GRID2: variants seen among roughly 807,000 people sequenced by gnomAD.
The protein encoded by GRID2 is glutamate ionotropic receptor delta type subunit 2.
In GRID2, 33 loss-of-function variants were observed where a neutral mutation model predicts 114.8. That is an observed-to-expected ratio of 0.29 (90% confidence interval 0.22 to 0.38). GRID2 has a LOEUF of 0.38. GRID2 is among the 10% of genes least tolerant of loss of function. GRID2 has a pLI of 1.00. For synonymous variants in GRID2, 505 were observed against 449.9 expected, an observed-to-expected ratio of 1.12 and a Z score of -1.55; for missense variants, 1,184 against 1,257.7, an observed-to-expected ratio of 0.94 and a Z score of 0.89.
intron 2 of GRID2, among the ~76,000 whole-genome samples, chr4:92,642,977 A>G (rs529366246): frequency 1.3e-5 from 2 of 151,872 alleles, no homozygotes; most frequent in East Asian, 3.9e-4. Flanking sequence ...TTGTACCAAT[A>G]CCATGCTATT....
intron 2 of GRID2, among the ~76,000 whole-genome samples, chr4:92,942,753 A>C (rs1213093227): frequency 6.6e-6 from 1 of 152,042 alleles, no homozygotes; most frequent in Non-Finnish European, 1.5e-5. Flanking sequence ...GAGCTCTTTT[A>C]GGGCAGGCCT....
chr4:93,247,637 A>G (rs1030011909), intron 8 of GRID2, among the ~76,000 whole-genome samples: 2 of 151,652 alleles, frequency 1.3e-5, no homozygotes, highest in Non-Finnish European at 2.9e-5. Flanking sequence ...TATACCACCC[A>G]CTTTTCTGGT....
chr4:92,310,878 A>G (rs1252185950), intron 1 of GRID2, among the ~76,000 whole-genome samples: 1 of 152,056 alleles, frequency 6.6e-6, no homozygotes, highest in Non-Finnish European at 1.5e-5. Context: ...GTGACCTTCA[A>G]AAAAGGAAAT....
intron 5 of GRID2, among the ~76,000 whole-genome samples, chr4:93,215,670 A>G (rs1744126534): frequency 6.6e-6 from 1 of 152,120 alleles, no homozygotes. Context: ...TCTACACTTC[A>G]TAAAGATCAT....
intron 10 of GRID2, among the ~76,000 whole-genome samples, chr4:93,454,476 A>G (rs1481485052): frequency 6.6e-6 from 1 of 152,100 alleles, no homozygotes; most frequent in East Asian, 1.9e-4. Context: ...CACATAATTC[A>G]TAGTTCATTG....
chr4:92,441,371 G>A (rs1733064279), intron 1 of GRID2, among the ~76,000 whole-genome samples: 1 of 152,116 alleles, frequency 6.6e-6, no homozygotes, highest in African/African-American at 2.4e-5. Context: ...GGAGCTTGAT[G>A]GGTGTCAGGG....
intron 2 of GRID2, among the ~76,000 whole-genome samples, chr4:92,954,668 G>C (rs1752263606): frequency 6.8e-6 from 1 of 147,874 alleles, no homozygotes; most frequent in Admixed American, 6.7e-5. Context: ...ACATTGTGCA[G>C]GTTAGTTACA....
At chr4:93,486,723 A>T (rs187501669) in intron 11 of GRID2, among the ~76,000 whole-genome samples, 1 of 151,850 alleles carries the variant, frequency 6.6e-6, no homozygotes, top group East Asian at 1.9e-4. Flanking sequence ...TTATTTATGC[A>T]GTTCTCCGTT....
At chr4:92,931,155 T>A (rs146215177) in intron 2 of GRID2, among the ~76,000 whole-genome samples, 41 of 151,056 alleles carry the variant, frequency 2.7e-4, no homozygotes, top group Middle Eastern at 6.8e-3. Context: ...TAATAAATCA[T>A]AATGGAGCAG....
chr4:92,322,990 A>G (rs1007739055), intron 1 of GRID2, among the ~76,000 whole-genome samples: 24 of 152,054 alleles, frequency 1.6e-4, no homozygotes, highest in Middle Eastern at 6.8e-3. Context: ...CTTTCTCCCT[A>G]TCTGCTAATT....
At chr4:92,956,648 GTT>G (rs1752430909) in intron 2 of GRID2, among the ~76,000 whole-genome samples, 1 of 152,112 alleles carries the variant, frequency 6.6e-6, no homozygotes, top group African/African-American at 2.4e-5. Context: ...CTGAACATAA[GTT>G]TTCATCTCCT....
chr4:93,146,722 A>G (rs973782871), intron 4 of GRID2, among the ~76,000 whole-genome samples: 1 of 151,946 alleles, frequency 6.6e-6, no homozygotes, highest in Non-Finnish European at 1.5e-5. Context: ...AAAATCTTAT[A>G]CTTATAAATA....
At chr4:92,878,236 A>C (rs1745769783) in intron 2 of GRID2, among the ~76,000 whole-genome samples, 1 of 152,164 alleles carries the variant, frequency 6.6e-6, no homozygotes, top group Admixed American at 6.5e-5. Context: ...TCTCCATTAA[A>C]AATGTTTATT....
At chr4:92,745,006 T>C (rs1409654258) in intron 2 of GRID2, among the ~76,000 whole-genome samples, 10 of 152,084 alleles carry the variant, frequency 6.6e-5, no homozygotes. Flanking sequence ...CAACAGAAAT[T>C]TATAAAGTAA....
intron 8 of GRID2, among the ~76,000 whole-genome samples, chr4:93,381,118 C>G (rs1403960856): frequency 6.6e-6 from 1 of 152,024 alleles, no homozygotes; most frequent in Non-Finnish European, 1.5e-5. Flanking sequence ...GTGTACAGTT[C>G]AATGATAATA....
At chr4:92,432,684 A>G (rs1732521179) in intron 1 of GRID2, among the ~76,000 whole-genome samples, 1 of 152,178 alleles carries the variant, frequency 6.6e-6, no homozygotes, top group South Asian at 2.1e-4. Context: ...AATGCCATTC[A>G]GTAGCTAAGG....
At chr4:92,859,074 TAC>T (rs2149432608) in intron 2 of GRID2, among the ~76,000 whole-genome samples, 1 of 152,272 alleles carries the variant, frequency 6.6e-6, no homozygotes, top group South Asian at 2.1e-4. Context: ...CATCACATTC[TAC>T]AGAGAAATCT....
intron 4 of GRID2, among the ~76,000 whole-genome samples, chr4:93,121,350 T>C (rs2149362523): frequency 6.6e-6 from 1 of 152,280 alleles, no homozygotes; most frequent in East Asian, 1.9e-4. Flanking sequence ...TCCCCAAAGG[T>C]ATCCTGACTT....
intron 1 of GRID2, among the ~76,000 whole-genome samples, chr4:92,430,535 G>A (rs1474061347): frequency 6.6e-6 from 1 of 151,996 alleles, no homozygotes; most frequent in East Asian, 1.9e-4. Flanking sequence ...TTAAAGTCAG[G>A]TGATGTGATT....
Sources: gnomAD v4.1 joint callset for allele counts (sites outside exome capture counted in the v4.1 genomes callset) on GRCh38, gnomAD v4.1.1 for gene constraint, MANE v1.5 for transcripts, NCBI Gene and HGNC (gene_info 2026-07-23, HGNC 2026-07-21) for gene names.